Variants in SGCG observed in about 807,000 individuals in gnomAD.
The protein encoded by SGCG is gamma-sarcoglycan.
In SGCG, 26 loss-of-function variants were observed where a neutral mutation model predicts 29.3. The ratio of observed to expected loss-of-function variants is 0.89; its 90% CI spans 0.65 to 1.23. The LOEUF (loss-of-function observed/expected upper bound fraction) is 1.23, where lower values mean the gene tolerates loss of function less well. Among genes scored for constraint, SGCG ranks in the 50% most tolerant of loss-of-function variants. The pLI is 0.00. For missense variants in SGCG, 353 were observed against 356.0 expected (o/e 0.99, Z 0.07); for synonymous variants, 145 against 129.7 (o/e 1.12, Z -0.80).
intron 1 of SGCG, among the ~76,000 whole-genome samples, chr13:23,190,583 A>T (rs909992950): frequency 1.3e-5 from 2 of 152,220 alleles, no homozygotes; most frequent in African/African-American, 4.8e-5. Context: ...TGGATTGGTT[A>T]TGAAAGTTAT....
intron 6 of SGCG, among the ~76,000 whole-genome samples, chr13:23,298,258 AG>A (rs1167158440): frequency 1.3e-5 from 2 of 152,062 alleles, no homozygotes; most frequent in African/African-American, 4.8e-5. Context: ...CAGAAGGCTG[AG>A]GCATGAGAAT....
At chr13:23,276,831 A>C (rs1881098706) in intron 4 of SGCG, among the ~76,000 whole-genome samples, 1 of 151,934 alleles carries the variant, frequency 6.6e-6, no homozygotes, top group South Asian at 2.1e-4. Context: ...CCTAGTCAAG[A>C]CTCTCTCATG....
chr13:23,208,288 G>A (rs533693688), intron 2 of SGCG, among the ~76,000 whole-genome samples: 1 of 152,236 alleles, frequency 6.6e-6, no homozygotes, highest in Admixed American at 6.5e-5. Flanking sequence ...CCTCAACAGT[G>A]TAGCAATGGC....
chr13:23,249,205 GT>G (rs1424758842), intron 3 of SGCG, among the ~76,000 whole-genome samples: 2 of 151,916 alleles, frequency 1.3e-5, no homozygotes, highest in East Asian at 3.9e-4. Context: ...ATGGCATTTG[GT>G]GTGACTACCC....
chr13:23,223,980 G>A (rs142737929), intron 2 of SGCG, among the ~76,000 whole-genome samples: 1 of 152,194 alleles, frequency 6.6e-6, no homozygotes, highest in East Asian at 1.9e-4. Flanking sequence ...AAAAAGATAA[G>A]AGGGAGATTC....
chr13:23,299,636 C>T (rs888178195), intron 6 of SGCG, among the ~76,000 whole-genome samples: 1 of 150,384 alleles, frequency 6.6e-6, no homozygotes, highest in Non-Finnish European at 1.5e-5. Context: ...GTATTTTTAG[C>T]AGAGATGGGG....
upstream of SGCG, among the ~76,000 whole-genome samples, chr13:23,180,493 A>G (rs1876691226): frequency 6.6e-6 from 1 of 152,194 alleles, no homozygotes; most frequent in South Asian, 2.1e-4. Context: ...AGTGATTTTT[A>G]AAGAGTCACT....
At chr13:23,239,414 T>C (rs1229762965) in intron 3 of SGCG, among the ~76,000 whole-genome samples, 5 of 152,148 alleles carry the variant, frequency 3.3e-5, no homozygotes, top group African/African-American at 9.7e-5. Context: ...AAAGACTTTT[T>C]TGGACTTACT....
chr13:23,300,432 AT>A (rs1882107631), intron 6 of SGCG, among the ~76,000 whole-genome samples: 1 of 152,156 alleles, frequency 6.6e-6, no homozygotes, highest in Non-Finnish European at 1.5e-5. Flanking sequence ...ATTCCAAGTG[AT>A]TGTTCAGTGT....
intron 5 of SGCG, among the ~76,000 whole-genome samples, chr13:23,281,905 G>A (rs1001001375): frequency 2.6e-5 from 4 of 152,182 alleles, no homozygotes; most frequent in African/African-American, 9.7e-5. Context: ...GGGATCCAGA[G>A]TCCCTGCTCT....
intron 4 of SGCG, among the ~76,000 whole-genome samples, chr13:23,266,593 A>G (rs1287479534): frequency 2.0e-5 from 3 of 152,154 alleles, no homozygotes; most frequent in East Asian, 1.9e-4. Context: ...AAAACTACCT[A>G]TTGGGTACTA....
At chr13:23,263,226 A>C (rs982956555) in intron 4 of SGCG, among the ~76,000 whole-genome samples, 3 of 152,030 alleles carry the variant, frequency 2.0e-5, no homozygotes, top group African/African-American at 4.8e-5. Flanking sequence ...TTTTAAAATC[A>C]TTAGCTATAT....
At chr13:23,278,262 A>T (rs73168692) in intron 4 of SGCG, among the ~76,000 whole-genome samples, 51,794 of 151,710 alleles carry the variant, frequency 0.34, 9,551 homozygotes, top group Middle Eastern at 0.54. Context: ...TGGCCAATAT[A>T]GTAAAACCCC....
chr13:23,180,651 CTGTT>C (rs1438508869), upstream of SGCG, among the ~76,000 whole-genome samples: 5 of 152,252 alleles, frequency 3.3e-5, no homozygotes, highest in East Asian at 3.9e-4. Context: ...AAGTTTTCTG[CTGTT>C]TGTTTGAGGT....
At chr13:23,220,191 G>A (rs954443438) in intron 2 of SGCG, among the ~76,000 whole-genome samples, 18 of 151,984 alleles carry the variant, frequency 1.2e-4, no homozygotes, top group African/African-American at 3.9e-4. Context: ...AGTGGCTCAC[G>A]TCTGTAATCC....
At chr13:23,165,733 G>A in the SGCG span, among the ~76,000 whole-genome samples, 1 of 152,010 alleles carries the variant, frequency 6.6e-6, no homozygotes, top group African/African-American at 2.4e-5. Flanking sequence ...CACCAAATTG[G>A]TCAGGGTGGT....
At chr13:23,190,127 CTA>C (rs66935136) in intron 1 of SGCG, among the ~76,000 whole-genome samples, 20,433 of 151,910 alleles carry the variant, frequency 0.13, 1,741 homozygotes, top group East Asian at 0.28. Context: ...TATAATGGCT[CTA>C]TTTAAAATAT....
At chr13:23,285,562 C>T (rs9578576) in intron 5 of SGCG, among the ~76,000 whole-genome samples, 65,920 of 152,008 alleles carry the variant, frequency 0.43, 15,140 homozygotes, top group Middle Eastern at 0.65. Context: ...GGATGGGATC[C>T]GCTAAGCTAG....
chr13:23,277,193 GA>G (rs756623357), intron 4 of SGCG, among the ~76,000 whole-genome samples: 1 of 152,158 alleles, frequency 6.6e-6, no homozygotes, highest in Non-Finnish European at 1.5e-5. Context: ...ATTGTAAGAT[GA>G]ACCTCTAGTG....
Sources: gnomAD v4.1 joint callset for allele counts (sites outside exome capture counted in the v4.1 genomes callset) on GRCh38, gnomAD v4.1.1 for gene constraint, MANE v1.5 for transcripts, NCBI Gene and HGNC (gene_info 2026-07-23, HGNC 2026-07-21) for gene names.